The following SMC1B variants were observed in gnomAD, a reference collection of about 807,000 sequenced individuals.
The protein encoded by SMC1B is structural maintenance of chromosomes 1B, also known as structural maintenance of chromosomes protein 1B.
Under a neutral mutation model 157.9 loss-of-function variants are expected in SMC1B, and 60 were observed. The ratio of observed to expected loss-of-function variants is 0.38; its 90% confidence interval spans 0.31 to 0.47. The LOEUF (loss-of-function observed/expected upper bound fraction) is 0.47. SMC1B is among the 20% of genes least tolerant of loss of function. The pLI is 0.99. For synonymous variants in SMC1B, 445 were observed against 483.0 expected (o/e 0.92, Z 1.03); for missense variants, 1,165 against 1,426.2 (o/e 0.82, Z 2.95).
chr22:45,396,501 T>C lies in SMC1B; in HGVS notation c.1114-15A>G, dbSNP rs755981906. 3.1e-6 allele frequency: 5 copies of C among 1,594,662 alleles called. No individual in the cohort carries two copies. In the East Asian group the frequency reaches 1.1e-4, roughly 36 times the overall value. ...TAACGATCCAGCTGCATAAACAGTA[T>C]TGAAAAATTGCTAATTCACCTTAAG... On this transcript the variant is annotated splice_polypyrimidine_tract_variant and intron_variant, in intron 6 of 24. Coordinates refer to ENST00000357450, the MANE Select transcript of SMC1B (RefSeq NM_148674.5).
chr22:45,371,509 G>A lies in SMC1B; in HGVS notation c.2275C>T (p.Gln759Ter). 6.3e-7 allele frequency: 1 copy of A among 1,598,600 alleles called. No homozygotes were observed. The highest frequency in any genetic ancestry group is 1.1e-5 in the South Asian group (1 of 87,166). The change falls in exon 14 of 25, where the codon CAA becomes TAA. Residue 759 changes from glutamine (Q) to a stop codon, truncating the protein, a stop_gained. Coordinates refer to ENST00000357450, the MANE Select transcript of SMC1B (RefSeq NM_148674.5). LOFTEE classifies it high-confidence loss of function. ...TCTTGAAATTCTTTAATTCTTCGTT[G>A]TCGTTCCTTGATTCCTTCACTCAAC... is the stretch of plus-strand genomic sequence containing the variant. ...IMLSEGIKER[Q>*]RRIKEFQEKI...
chr22:45,384,292 T>C (rs57947660), intron 11 of SMC1B, among the ~76,000 whole-genome samples: 2 of 152,244 alleles, frequency 1.3e-5, no homozygotes, highest in Admixed American at 1.3e-4. Flanking sequence ...ACAAATATTT[T>C]CCCCAGTTTG....
chr22:45,394,295 A>C (rs1424013795), intron 8 of SMC1B, among the ~76,000 whole-genome samples: 1 of 152,114 alleles, frequency 6.6e-6, no homozygotes, highest in Non-Finnish European at 1.5e-5. Context: ...ACTGCACTCC[A>C]GTCTGGGTGA....
rs114447597 is a variant in SMC1B at position 45,410,158 on chromosome 22, G to A, written c.110-1260C>T. 4.4e-3 allele frequency among the ~76,000 whole-genome samples: 666 copies of A among 152,206 alleles called. 2 individuals are homozygous for A. The highest frequency in any genetic ancestry group is 0.015 in the African/African-American group (638 of 41,518). Reference sequence around the variant, plus strand: ...TATATCCTTTCCCTTTGCTGAGTTCGCTTTGTATTTTTTCACTGTAATAAA... The same window carrying A: ...TATATCCTTTCCCTTTGCTGAGTTCACTTTGTATTTTTTCACTGTAATAAA... On this transcript the variant is annotated intron_variant, in intron 1 of 24. Coordinates refer to ENST00000357450, the MANE Select transcript of SMC1B (RefSeq NM_148674.5).
At chr22:45,368,678 G>C (rs542175200) in intron 15 of SMC1B, among the ~76,000 whole-genome samples, 6 of 151,916 alleles carry the variant, frequency 3.9e-5, no homozygotes, top group African/African-American at 1.4e-4. Flanking sequence ...CACCACGCCT[G>C]GCTAATTTTT....
intron 19 of SMC1B, among the ~76,000 whole-genome samples, chr22:45,356,162 A>AT (rs11358892): frequency 2.0e-5 from 3 of 151,888 alleles, no homozygotes; most frequent in South Asian, 2.1e-4. Context: ...TCTGTTCTCC[A>AT]TTTTTTTTTT....
chr22:45,351,561 T>G (rs2086615307), intron 22 of SMC1B, among the ~76,000 whole-genome samples: 1 of 152,220 alleles, frequency 6.6e-6, no homozygotes, highest in Admixed American at 6.5e-5. Flanking sequence ...TATGCATATA[T>G]TTTTTGAGAC....
chr22:45,354,269 C>G, intron 20 of SMC1B, 137 bp from the exon 21 acceptor site: 1 of 595,188 alleles, frequency 1.7e-6, no homozygotes, highest in Non-Finnish European at 2.7e-6. Context: ...AATACCTAAA[C>G]TATTATTAAT....
At chr22:45,396,577 AATCTTCC>A in intron 6 of SMC1B, 91 bp from the exon 7 acceptor site, 1 of 1,076,984 alleles carries the variant, frequency 9.3e-7, no homozygotes, top group Non-Finnish European at 1.3e-6. Context: ...GAAGATAATT[AATCTTCC>A]CAAAAGCTTG....
At chr22:45,364,994 C>T (rs1418237598) in intron 15 of SMC1B, among the ~76,000 whole-genome samples, 1 of 151,962 alleles carries the variant, frequency 6.6e-6, no homozygotes, top group African/African-American at 2.4e-5. Flanking sequence ...CCTGCCACCA[C>T]GCCCGGCTAA....
At chr22:45,389,979 T>C (rs1219824682) in intron 9 of SMC1B, 82 bp from the exon 10 acceptor site, 1 of 1,190,590 alleles carries the variant, frequency 8.4e-7, no homozygotes, top group East Asian at 2.4e-5. Context: ...TGTAACAAAG[T>C]AGCGCAGACA....
In SMC1B at chr22:45,359,974, T is replaced by A. The variant is rs1236453325; in HGVS notation, c.2709-16A>T. ...CCCCACTTCCCTGTAATTACACAGA[T>A]ATGAAAAAGTAATTTTACTCATTAT... On this transcript the variant is annotated splice_polypyrimidine_tract_variant and intron_variant, in intron 17 of 24. Transcript: ENST00000357450. 1 of 1,604,734 alleles carries A rather than the reference T, an allele frequency of 6.2e-7. No individual in the cohort carries two copies. The highest frequency in any genetic ancestry group is 1.7e-5 in the Admixed American group (1 of 59,498).
At chr22:45,370,085 G>T in intron 14 of SMC1B, 25 bp from the exon 15 acceptor site, 2 of 1,245,620 alleles carry the variant, frequency 1.6e-6, no homozygotes, top group South Asian at 1.5e-5. Flanking sequence ...TAAAACAATT[G>T]ATTTAATAAG....
At chr22:45,346,082 A>AT (rs1293388147) in intron 23 of SMC1B, among the ~76,000 whole-genome samples, 1 of 151,920 alleles carries the variant, frequency 6.6e-6, no homozygotes, top group Non-Finnish European at 1.5e-5. Context: ...GCAGGTGCCT[A>AT]TAATCCCAGC....
At chr22:45,360,465 A>C (rs2086710446) in intron 17 of SMC1B, among the ~76,000 whole-genome samples, 1 of 152,224 alleles carries the variant, frequency 6.6e-6, no homozygotes, top group Non-Finnish European at 1.5e-5. Context: ...AAAAAAAGAA[A>C]GAAAGAAGAA....
chr22:45,379,532 G>A (rs765965286), intron 12 of SMC1B, among the ~76,000 whole-genome samples: 36 of 151,930 alleles, frequency 2.4e-4, no homozygotes, highest in Non-Finnish European at 3.7e-4. Context: ...GTCCCCCTGC[G>A]TCCAATATAC....
At chr22:45,349,939 A>T (rs1387388855) in intron 22 of SMC1B, 142 bp from the exon 23 acceptor site, 6 of 665,858 alleles carry the variant, frequency 9.0e-6, no homozygotes, top group Non-Finnish European at 1.5e-5. Context: ...CTATGTTACT[A>T]AATCCAGTGC....
chr22:45,411,685 C>T (rs2087335687), intron 1 of SMC1B, among the ~76,000 whole-genome samples: 1 of 152,046 alleles, frequency 6.6e-6, no homozygotes, highest in Non-Finnish European at 1.5e-5. Flanking sequence ...CTCCCAGGTT[C>T]AAGCGATTCT....
intron 5 of SMC1B, among the ~76,000 whole-genome samples, chr22:45,400,285 A>C (rs1242775543): frequency 6.6e-6 from 1 of 152,066 alleles, no homozygotes; most frequent in Non-Finnish European, 1.5e-5. Context: ...TGATGCTTGG[A>C]CTGGCTTATA....
Sources: gnomAD v4.1 joint callset for allele counts (sites outside exome capture counted in the v4.1 genomes callset) on GRCh38, gnomAD v4.1.1 for gene constraint, MANE v1.5 for transcripts, NCBI Gene and HGNC (gene_info 2026-07-23, HGNC 2026-07-21) for gene names.